Variants in SMYD3 observed in about 807,000 individuals in gnomAD.
SMYD3 encodes the protein histone-lysine N-methyltransferase SMYD3.
SMYD3 carries 36 observed loss-of-function variants against 57.7 expected under a neutral mutation model. That is an observed-to-expected ratio of 0.62 (90% CI 0.48 to 0.82). SMYD3 has a LOEUF of 0.82. Among genes scored for constraint, SMYD3 ranks in the 40% least tolerant of loss-of-function variants. The probability of loss-of-function intolerance (pLI) is 0.00; values close to 1 mark genes in which losing one functional copy is unlikely to be tolerated. For synonymous variants in SMYD3, 211 were observed against 195.0 expected (o/e 1.08, Z -0.68); for missense variants, 515 against 538.8 (o/e 0.96, Z 0.44).
chr1:245,930,212 G>A, intron 5 of SMYD3: 1 of 490,620 alleles, frequency 2.0e-6, no homozygotes, highest in Non-Finnish European at 3.8e-6. Flanking sequence ...ATTAATTTCA[G>A]TCTCATTATC....
chr1:245,797,537 GA>G (rs1203955120), intron 10 of SMYD3, among the ~76,000 whole-genome samples: 1 of 117,078 alleles, frequency 8.5e-6, no homozygotes, highest in South Asian at 3.4e-4. Context: ...GGGGTGGGGG[GA>G]GGGGGTAGGA....
chr1:245,984,596 T>G (rs79392911), intron 5 of SMYD3, among the ~76,000 whole-genome samples: 15,972 of 152,140 alleles, frequency 0.1, 1,106 homozygotes, highest in East Asian at 0.19. Flanking sequence ...AGTTTCTAAT[T>G]GAGTAATCTG....
intron 5 of SMYD3, among the ~76,000 whole-genome samples, chr1:246,155,211 T>C (rs2062004640): frequency 1.3e-5 from 2 of 152,210 alleles, no homozygotes; most frequent in South Asian, 4.1e-4. Flanking sequence ...TAATAATGAA[T>C]AATAGTAATA....
intron 1 of SMYD3, among the ~76,000 whole-genome samples, chr1:246,481,798 T>G (rs779412163): frequency 2.0e-4 from 28 of 142,264 alleles, no homozygotes; most frequent in African/African-American, 3.8e-4. Flanking sequence ...GAGAGAGAGA[T>G]CGATCGATCG....
chr1:246,093,760 AT>A (rs568030965), intron 5 of SMYD3, among the ~76,000 whole-genome samples: 70 of 151,746 alleles, frequency 4.6e-4, no homozygotes, highest in African/African-American at 1.4e-3. Context: ...TTTTCAGTTT[AT>A]TTTTTTTTAA....
At chr1:246,121,474 T>A (rs1453595260) in intron 5 of SMYD3, among the ~76,000 whole-genome samples, 1 of 149,518 alleles carries the variant, frequency 6.7e-6, no homozygotes, top group East Asian at 2.0e-4. Flanking sequence ...TTATTGTTCA[T>A]TATAACTGTA....
chr1:246,074,355 CA>C (rs1221037505), intron 5 of SMYD3, among the ~76,000 whole-genome samples: 7 of 138,140 alleles, frequency 5.1e-5, no homozygotes, highest in African/African-American at 8.7e-5. Context: ...ATTGGTTTGC[CA>C]AAAAAAATTA....
At chr1:245,790,475 C>G (rs1171574094) in intron 10 of SMYD3, among the ~76,000 whole-genome samples, 1 of 152,244 alleles carries the variant, frequency 6.6e-6, no homozygotes, top group East Asian at 1.9e-4. Flanking sequence ...GTCGGCAAAG[C>G]TTTTCGAGGG....
chr1:245,837,388 A>T (rs1271984069), intron 10 of SMYD3, among the ~76,000 whole-genome samples: 2 of 152,092 alleles, frequency 1.3e-5, no homozygotes, highest in Non-Finnish European at 2.9e-5. Flanking sequence ...CCTCGGTGGC[A>T]AGCCTGAGAG....
At chr1:245,761,853 T>G (rs2045859703) in intron 11 of SMYD3, among the ~76,000 whole-genome samples, 2 of 147,362 alleles carry the variant, frequency 1.4e-5, no homozygotes. Context: ...TGGTGCAATC[T>G]TGGCTCACTG....
At chr1:246,285,542 A>C (rs1572337972) in intron 5 of SMYD3, among the ~76,000 whole-genome samples, 1 of 121,992 alleles carries the variant, frequency 8.2e-6, no homozygotes, top group Non-Finnish European at 1.6e-5. Context: ...AAAATGCTAC[A>C]AAAAAAAAAA....
At chr1:246,374,851 G>GC (rs1200496056) in intron 1 of SMYD3, among the ~76,000 whole-genome samples, 2 of 86,320 alleles carry the variant, frequency 2.3e-5, no homozygotes, top group African/African-American at 1.0e-4. Flanking sequence ...CCAGCAGTTT[G>GC]GGGGGCCGAG....
intron 10 of SMYD3, among the ~76,000 whole-genome samples, chr1:245,807,004 G>A (rs984079477): frequency 6.0e-5 from 9 of 149,566 alleles, no homozygotes; most frequent in Non-Finnish European, 1.0e-4. Flanking sequence ...AGAGAAATGA[G>A]TCAGGATTGA....
In SMYD3 at chr1:246,312,388, G is replaced by A. The variant is rs183861612; in HGVS notation, c.531+14813C>T. Among the ~76,000 whole-genome samples, 6 of 152,154 alleles carry A rather than the reference G, an allele frequency of 3.9e-5. 1 individual carries two copies. The highest frequency in any genetic ancestry group is 9.6e-5 in the African/African-American group (4 of 41,500). On this transcript the variant is annotated intron_variant, in intron 5 of 11. Coordinates refer to ENST00000490107, the MANE Select transcript of SMYD3 (RefSeq NM_001167740.2). ...AGTTAGAGGCCATTTAGGTGAGATC[G>A]GAAGGATTTTAATAATAACTGGGAC...
intron 5 of SMYD3, among the ~76,000 whole-genome samples, chr1:246,078,512 C>T (rs1227266805): frequency 6.6e-6 from 1 of 152,234 alleles, no homozygotes; most frequent in Non-Finnish European, 1.5e-5. Flanking sequence ...TCTAGACCAT[C>T]TCCTCCTGCG....
At chr1:245,995,664 G>A (rs2058914578) in intron 5 of SMYD3, among the ~76,000 whole-genome samples, 1 of 152,236 alleles carries the variant, frequency 6.6e-6, no homozygotes, top group Non-Finnish European at 1.5e-5. Flanking sequence ...GCAGTAGGGG[G>A]TGGGGGAGAG....
chr1:246,268,982 A>C (rs938750043), intron 5 of SMYD3, among the ~76,000 whole-genome samples: 10 of 152,202 alleles, frequency 6.6e-5, no homozygotes, highest in Middle Eastern at 3.2e-3. Flanking sequence ...GCTGAAGAGT[A>C]AAAAGTTACA....
At chr1:245,816,328 T>C (rs544117410) in intron 10 of SMYD3, among the ~76,000 whole-genome samples, 5 of 151,822 alleles carry the variant, frequency 3.3e-5, no homozygotes, top group African/African-American at 1.2e-4. Context: ...CATTACTGTA[T>C]CAATCAGGCC....
intron 10 of SMYD3, among the ~76,000 whole-genome samples, chr1:245,840,473 T>C (rs1006245228): frequency 5.9e-5 from 9 of 151,674 alleles, no homozygotes; most frequent in African/African-American, 1.9e-4. Context: ...AATCTAATAG[T>C]GGGAAATCAA....
Sources: gnomAD v4.1 joint callset for allele counts (sites outside exome capture counted in the v4.1 genomes callset) on GRCh38, gnomAD v4.1.1 for gene constraint, MANE v1.5 for transcripts, NCBI Gene and HGNC (gene_info 2026-07-23, HGNC 2026-07-21) for gene names.